Variants in GATM observed in about 807,000 individuals in gnomAD.
GATM encodes glycine amidinotransferase, mitochondrial.
GATM carries 23 observed loss-of-function variants against 54.2 expected under a neutral mutation model. The ratio of observed to expected loss-of-function variants is 0.42; its 90% CI spans 0.31 to 0.60. The LOEUF (loss-of-function observed/expected upper bound fraction) is 0.60, where lower values mean the gene tolerates loss of function less well. Among genes scored for constraint, GATM ranks in the 20% least tolerant of loss-of-function variants. The pLI, the probability that GATM is intolerant of heterozygous loss-of-function variation, is 0.14. For synonymous variants in GATM, 168 were observed against 183.1 expected, an observed-to-expected ratio of 0.92 and a Z score of 0.67; for missense variants, 401 against 544.9, an observed-to-expected ratio of 0.74 and a Z score of 2.63.
intron 3 of GATM, among the ~76,000 whole-genome samples, chr15:45,387,090 T>C (rs925918764): frequency 6.6e-6 from 1 of 152,228 alleles, no homozygotes; most frequent in African/African-American, 2.4e-5. Context: ...GGAAATGGAA[T>C]GACCTGTGAG....
At chr15:45,385,276 A>C (rs1171897634) in intron 3 of GATM, among the ~76,000 whole-genome samples, 1 of 152,148 alleles carries the variant, frequency 6.6e-6, no homozygotes, top group Non-Finnish European at 1.5e-5. Context: ...TTGTAGCCTA[A>C]ATTCCTTTCC....
intron 7 of GATM, 109 bp downstream of exon 7, chr15:45,364,688 G>C: frequency 1.0e-6 from 1 of 995,950 alleles, no homozygotes; most frequent in South Asian, 1.3e-5. Context: ...ACCTTACTGA[G>C]GAAACACATT....
At position 45,376,731 on chromosome 15, in the gene GATM, T is replaced by A. The variant is rs1889643282; in HGVS notation, c.158A>T (p.Asp53Val). 5.6e-6 allele frequency: 9 copies of A among 1,614,214 alleles called. No homozygotes were observed. Among genetic ancestry groups the A allele is most frequent in the Non-Finnish European group, 7.6e-6 (9 of 1,180,042 alleles). The change falls in exon 2 of 9, where the codon GAC becomes GTC. Residue 53 changes from aspartate (D) to valine (V), a missense_variant. By Grantham distance (152) the Asp-to-Val change is radical. This residue lies in a region of GATM where 70 missense variants were observed against 61.5 expected (regional missense o/e 1.14). Transcript: ENST00000396659. Reference protein sequence around the residue: ...TASSRNSCAADDKATEPLPKD... With the variant: ...TASSRNSCAAVDKATEPLPKD... The stretch of plus-strand genomic sequence containing the variant: ...GGGCAGAGGCTCAGTGGCTTTGTCG[T>A]CAGCTGCACAGGAGTTCCGGGAGGA...
chr15:45,364,134 T>G, intron 7 of GATM, 118 bp from the exon 8 acceptor site: 1 of 745,810 alleles, frequency 1.3e-6, no homozygotes, highest in South Asian at 1.4e-5. Context: ...ACTTTCCATG[T>G]GAACATTTAT....
chr15:45,395,102 G>T (rs1889913745), intron 3 of GATM, among the ~76,000 whole-genome samples: 1 of 152,124 alleles, frequency 6.6e-6, no homozygotes, highest in Non-Finnish European at 1.5e-5. Flanking sequence ...TTTTGGATGG[G>T]GTGTAGCAAA....
At chr15:45,367,658 G>T (rs1399668077) in intron 4 of GATM, among the ~76,000 whole-genome samples, 1 of 152,168 alleles carries the variant, frequency 6.6e-6, no homozygotes, top group Non-Finnish European at 1.5e-5. Context: ...TTGAACTGTA[G>T]ATCAGGTTCT....
intron 1 of GATM, among the ~76,000 whole-genome samples, chr15:45,401,369 T>A (rs1294994158): frequency 6.6e-6 from 1 of 152,168 alleles, no homozygotes; most frequent in Non-Finnish European, 1.5e-5. Flanking sequence ...AAATATCAGT[T>A]TTGTCAACTC....
At chr15:45,383,705 G>A (rs973524130) in intron 3 of GATM, among the ~76,000 whole-genome samples, 3 of 151,774 alleles carry the variant, frequency 2.0e-5, no homozygotes, top group Non-Finnish European at 4.4e-5. Context: ...AGCGATTTCT[G>A]GCTAATTTTT....
chr15:45,392,290 C>T (rs776523337), intron 3 of GATM, among the ~76,000 whole-genome samples: 10 of 152,274 alleles, frequency 6.6e-5, no homozygotes, highest in South Asian at 4.1e-4. Context: ...AGGTACTTTC[C>T]GTATCTGGTT....
chr15:45,376,417 TCTTC>T (rs1889636308), intron 2 of GATM, among the ~76,000 whole-genome samples, 180 bp downstream of exon 2: 4 of 36,838 alleles, frequency 1.1e-4, no homozygotes, highest in Non-Finnish European at 1.5e-4. Flanking sequence ...TTCAGGAAGC[TCTTC>T]AGGAAGGAAG....
intron 2 of GATM, among the ~76,000 whole-genome samples, chr15:45,374,698 C>T (rs1400115503): frequency 2.0e-5 from 3 of 152,176 alleles, no homozygotes; most frequent in Non-Finnish European, 4.4e-5. Context: ...CCTTGTCAGT[C>T]GACTGGAATA....
rs145050023 is a variant in GATM, at chr15:45,368,387, G to A, written c.485-127C>T. ...ACCACTTTGGGAGGCCAAGACGGGC[G>A]GATCACTTGATCCTCTTCAAGAGCA... On this transcript the variant is annotated intron_variant, in intron 3 of 8. Transcript: ENST00000396659. The surrounding 1 kb of genome is among the most constrained non-coding windows in gnomAD (Gnocchi z 5.1). 113 of 768,430 alleles carry A rather than the reference G, an allele frequency of 1.5e-4. 1 individual carries two copies. Among genetic ancestry groups the A allele is most frequent in the South Asian group, 1.4e-3 (97 of 67,424 alleles). The allele number at this position is 768,430 out of a possible 1,614,324, so 47.6% of individuals were successfully genotyped here. A position where few individuals can be genotyped will look rare whatever the true frequency, so the allele number is the denominator to read the frequency against.
chr15:45,391,084 C>G (rs1309852206), intron 3 of GATM, among the ~76,000 whole-genome samples: 2 of 152,138 alleles, frequency 1.3e-5, no homozygotes, highest in African/African-American at 4.8e-5. Flanking sequence ...TATTCTAATA[C>G]CTTAGAAAGG....
intron 1 of GATM, among the ~76,000 whole-genome samples, chr15:45,401,583 G>A (rs1890009129): frequency 6.6e-6 from 1 of 152,034 alleles, no homozygotes. Context: ...AAAAAAAATA[G>A]CAGGCAGTTG....
At chr15:45,366,252 TC>T (rs1160805787) in intron 5 of GATM, 42 bp from the exon 6 acceptor site, 1 of 1,612,092 alleles carries the variant, frequency 6.2e-7, no homozygotes, top group Admixed American at 1.7e-5. Context: ...AATATTTGGT[TC>T]TATGTCTAGA....
At chr15:45,369,628 T>C in intron 2 of GATM, 107 bp from the exon 3 acceptor site, 1 of 914,572 alleles carries the variant, frequency 1.1e-6, no homozygotes, top group Admixed American at 2.0e-5. Flanking sequence ...GAATTGAGAC[T>C]CCAACCACTC....
At chr15:45,398,935 C>G (rs1373956448) in intron 2 of GATM, among the ~76,000 whole-genome samples, 6 of 151,914 alleles carry the variant, frequency 3.9e-5, no homozygotes, top group Admixed American at 3.9e-4. Context: ...GATCATTATC[C>G]TAAAGAAACA....
At chr15:45,388,329 C>T (rs1889828898) in intron 3 of GATM, among the ~76,000 whole-genome samples, 1 of 152,200 alleles carries the variant, frequency 6.6e-6, no homozygotes, top group African/African-American at 2.4e-5. Flanking sequence ...TTCCTGTACA[C>T]CCATCGCCCT....
intron 3 of GATM, among the ~76,000 whole-genome samples, chr15:45,384,162 A>G (rs933635246): frequency 6.6e-6 from 1 of 152,234 alleles, no homozygotes; most frequent in Non-Finnish European, 1.5e-5. Flanking sequence ...TGCATGATGC[A>G]GGGTGCATAC....
Sources: allele counts gnomAD v4.1 joint callset (sites outside exome capture counted in the v4.1 genomes callset), GRCh38; gene constraint gnomAD v4.1.1; regional missense constraint gnomAD v4.1.1; non-coding constraint Gnocchi (gnomAD v3.1); transcripts MANE v1.5; gene names NCBI Gene and HGNC (gene_info 2026-07-23, HGNC 2026-07-21).